GJC2: variants seen among roughly 807,000 people sequenced by gnomAD.
GJC2 encodes gap junction protein gamma 2, also known as gap junction gamma-2 protein.
For synonymous variants in GJC2, 336 were observed against 307.5 expected (o/e 1.09, Z -0.97); for missense variants, 647 against 648.9 (o/e 1.00, Z 0.03).
At position 228,150,703 on chromosome 1, in the gene GJC2, C is replaced by G. The variant is rs2034605612; in HGVS notation, c.-20+696C>G. ...ACACCCCTCTGGGAGGGCGGAGCACCCCAGGGCTGCTGCGCAGGGAGGCCA... is the reference window on the plus strand; with the variant it reads ...ACACCCCTCTGGGAGGGCGGAGCACGCCAGGGCTGCTGCGCAGGGAGGCCA... On this transcript the variant is annotated intron_variant, in intron 1 of 1. Transcript: ENST00000366714. This position sits in a 1 kb window ranked among gnomAD's most constrained non-coding sequence, Gnocchi z 4.6. 6.6e-6 allele frequency among the ~76,000 whole-genome samples: 1 copy of G among 152,056 alleles called. No homozygotes were observed. The highest frequency in any genetic ancestry group is 6.5e-5 in the Admixed American group (1 of 15,276).
chr1:228,159,331 C>G lies in GJC2; in HGVS notation c.*253C>G, dbSNP rs1041721339. 3.7e-6 allele frequency: 2 copies of G among 546,586 alleles called. No homozygotes were observed. The highest frequency in any genetic ancestry group is 4.0e-5 in the African/African-American group (2 of 50,558). The allele number at this position is 546,586 out of a possible 1,614,324, so 33.9% of individuals were successfully genotyped here. On this transcript the variant is annotated 3_prime_UTR_variant, in exon 2 of 2. Coordinates refer to ENST00000366714, the MANE Select transcript of GJC2 (RefSeq NM_020435.4). This position sits in a 1 kb window ranked among gnomAD's most constrained non-coding sequence, Gnocchi z 4.0. ...GGGCCCTCTGCTGTGGTCTGAACCC[C>G]AGGGGGAGTGGGGCATTGACTCCAC...
Position 228,159,165 on chromosome 1 carries a change from C to T in GJC2, c.*87C>T. The T allele has an allele frequency of 1.4e-6, 2 of 1,473,098 alleles. No individual in the cohort carries two copies. The highest frequency in any genetic ancestry group is 1.9e-6 in the Non-Finnish European group (2 of 1,070,468). The allele number at this position is 1,473,098 out of a possible 1,614,324, so 91.3% of individuals were successfully genotyped here. On this transcript the variant is annotated 3_prime_UTR_variant, in exon 2 of 2. Transcript: ENST00000366714. The surrounding 1 kb of genome is among the most constrained non-coding windows in gnomAD (Gnocchi z 4.0). Reference sequence around the variant, plus strand: ...GCGACCCCTTCTCCTCAGCCTTCTCCTTAGCCGGTGGCCTCAGGCAGACTC... The same window carrying T: ...GCGACCCCTTCTCCTCAGCCTTCTCTTTAGCCGGTGGCCTCAGGCAGACTC...
rs976571532 is a variant in GJC2, at chr1:228,152,346, C to T, written c.-20+2339C>T. ...GGAAGGAAATACCTGGGCCCCTGAC[C>T]CTGTGCTACACCCAGCAGGGCGGGG... On this transcript the variant is annotated intron_variant, in intron 1 of 1. Coordinates refer to ENST00000366714, the MANE Select transcript of GJC2 (RefSeq NM_020435.4). The surrounding 1 kb of genome is among the most constrained non-coding windows in gnomAD (Gnocchi z 7.3). Among the ~76,000 whole-genome samples the T allele has an allele frequency of 1.3e-5, 2 of 152,118 alleles. No homozygotes were observed. Among genetic ancestry groups the T allele is most frequent in the African/African-American group, 4.8e-5 (2 of 41,428 alleles).
intron 1 of GJC2, among the ~76,000 whole-genome samples, chr1:228,154,782 T>C (rs750129268): frequency 6.6e-5 from 10 of 152,252 alleles, no homozygotes; most frequent in Non-Finnish European, 1.5e-4. Context: ...CTGGGTGCTC[T>C]ACGTGCAGGT....
chr1:228,159,291 C>T lies in GJC2; in HGVS notation c.*213C>T, dbSNP rs895917462. On this transcript the variant is annotated 3_prime_UTR_variant, in exon 2 of 2. Coordinates refer to ENST00000366714, the MANE Select transcript of GJC2 (RefSeq NM_020435.4). This position sits in a 1 kb window ranked among gnomAD's most constrained non-coding sequence, Gnocchi z 4.0. ...GGGGCCAAGGTGGGGTGGAGAGAGG[C>T]CTAGGAGCCAGAAAGGGCCCTCTGC... 3 of 609,448 alleles carry T rather than the reference C, an allele frequency of 4.9e-6. No homozygotes were observed. Among genetic ancestry groups the T allele is most frequent in the Non-Finnish European group, 8.8e-6 (3 of 340,094 alleles). The allele number at this position is 609,448 out of a possible 1,614,324, so 37.8% of individuals were successfully genotyped here. A position where few individuals can be genotyped will look rare whatever the true frequency, so the allele number is the denominator to read the frequency against.
chr1:228,154,579 G>A (rs764887224), intron 1 of GJC2, among the ~76,000 whole-genome samples: 11 of 152,152 alleles, frequency 7.2e-5, no homozygotes, highest in Non-Finnish European at 1.3e-4. Flanking sequence ...AGGGATGGGG[G>A]TCATGCTCCC....
rs1359509994 is a variant in GJC2 at position 228,158,508 on chromosome 1, C to G, written c.750C>G (p.Cys250Trp). The change falls in exon 2 of 2, where the codon TGC becomes TGG. Residue 250 changes from cysteine (C) to tryptophan (W), a missense_variant. By Grantham distance (215) the Cys-to-Trp change is radical (BLOSUM62 -2). Transcript: ENST00000366714. This position sits in a 1 kb window ranked among gnomAD's most constrained non-coding sequence, Gnocchi z 8.3. ...RPFFPCSRQP[C>W]PHVVDCFVSR... ...TCTTTCCCTGCAGCCGCCAGCCCTG[C>G]CCGCACGTGGTGGACTGCTTCGTGT... 1.2e-6 allele frequency: 2 copies of G among 1,612,834 alleles called. No individual in the cohort carries two copies. The highest frequency in any genetic ancestry group is 8.5e-7 in the Non-Finnish European group (1 of 1,179,660).
chr1:228,157,741 A>AC lies in GJC2; in HGVS notation c.-15dup. ...GCTGACCCCTACCCCGCCCCACAGG[A>AC]CCCGCCCGCCCGCCCCTATGACCAA... On this transcript the variant is annotated splice_region_variant and 5_prime_UTR_variant, in exon 2 of 2. Coordinates refer to ENST00000366714, the MANE Select transcript of GJC2 (RefSeq NM_020435.4). 1 of 354,470 alleles carries AC rather than the reference A, an allele frequency of 2.8e-6. No homozygotes were observed. 22.0% of individuals were successfully genotyped at this position (354,470 alleles called of 1,614,324 possible).
In GJC2 at chr1:228,158,677, T is replaced by C. The variant is rs2034723944; in HGVS notation, c.919T>C (p.Ser307Pro). The change falls in exon 2 of 2, where the codon TCC becomes CCC. Residue 307 changes from serine (S) to proline (P), a missense_variant. Transcript: ENST00000366714. This position sits in a 1 kb window ranked among gnomAD's most constrained non-coding sequence, Gnocchi z 8.3. ...AVRGRRGPPA[S>P]APAPAPRPPP... is the part of the protein sequence containing the mutation. ...GCGCGGCCGCCGCGGCCCCCCGGCC[T>C]CCGCCCCCGCCCCCGCGCCGCGGCC... 8.3e-7 allele frequency: 1 copy of C among 1,200,306 alleles called. No individual in the cohort carries two copies. The highest frequency in any genetic ancestry group is 1.9e-5 in the South Asian group (1 of 53,754). The allele number at this position is 1,200,306 out of a possible 1,614,324, so 74.4% of individuals were successfully genotyped here.
At position 228,152,463 on chromosome 1, in the gene GJC2, G is replaced by A. The variant is rs1439064274; in HGVS notation, c.-20+2456G>A. 6.6e-6 allele frequency among the ~76,000 whole-genome samples: 1 copy of A among 152,100 alleles called. No individual in the cohort carries two copies. Among genetic ancestry groups the A allele is most frequent in the Non-Finnish European group, 1.5e-5 (1 of 67,994 alleles). On this transcript the variant is annotated intron_variant, in intron 1 of 1. Transcript: ENST00000366714. This position sits in a 1 kb window ranked among gnomAD's most constrained non-coding sequence, Gnocchi z 7.3. ...GGCCCGGCTCTGACCGGTGTCCTGA[G>A]ATACCAGGACACCAGGACACTGGTC...
At chr1:228,154,998 A>G (rs2034662638) in intron 1 of GJC2, among the ~76,000 whole-genome samples, 2 of 152,152 alleles carry the variant, frequency 1.3e-5, no homozygotes, top group Non-Finnish European at 2.9e-5. Flanking sequence ...CAGGCGCCAG[A>G]GCAAAGGTGT....
intron 1 of GJC2, among the ~76,000 whole-genome samples, chr1:228,154,189 A>G (rs1323270535): frequency 6.6e-6 from 1 of 152,096 alleles, no homozygotes; most frequent in Non-Finnish European, 1.5e-5. Flanking sequence ...CTGCCCCGCC[A>G]TGGATCCCAC....
In GJC2 at chr1:228,151,323, G is replaced by A. The variant is rs1240589557; in HGVS notation, c.-20+1316G>A. On this transcript the variant is annotated intron_variant, in intron 1 of 1. Transcript: ENST00000366714. This position sits in a 1 kb window ranked among gnomAD's most constrained non-coding sequence, Gnocchi z 5.4. ...CCCCTCACTCCCCTGACATTCCTGA[G>A]CGCCACACCCATGCTCTTGGGCTCC... Among the ~76,000 whole-genome samples the A allele has an allele frequency of 1.3e-5, 2 of 152,286 alleles. No individual in the cohort carries two copies. Among genetic ancestry groups the A allele is most frequent in the East Asian group, 1.9e-4 (1 of 5,166 alleles).
Position 228,150,615 on chromosome 1 carries a change from C to A in GJC2, c.-20+608C>A, listed in dbSNP as rs12740965. On this transcript the variant is annotated intron_variant, in intron 1 of 1. Coordinates refer to ENST00000366714, the MANE Select transcript of GJC2 (RefSeq NM_020435.4). The surrounding 1 kb of genome is among the most constrained non-coding windows in gnomAD (Gnocchi z 4.6). The stretch of plus-strand genomic sequence containing the variant: ...GTGATTAACTGGGTGGAGGCCCCCC[C>A]GGGGTGCTGGGGCAGGCCCTCAGTG... 6.0e-4 allele frequency among the ~76,000 whole-genome samples: 92 copies of A among 152,112 alleles called. No homozygotes were observed. The highest frequency in any genetic ancestry group is 2.0e-3 in the African/African-American group (81 of 41,484).
At chr1:228,154,654 C>T (rs1291862887) in intron 1 of GJC2, among the ~76,000 whole-genome samples, 2 of 152,234 alleles carry the variant, frequency 1.3e-5, no homozygotes, top group African/African-American at 2.4e-5. Flanking sequence ...TGTCTCCTGT[C>T]CCCCATTTGG....
chr1:228,158,853 G>A lies in GJC2; in HGVS notation c.1095G>A (p.Gly365=). The change falls in exon 2 of 2, where the codon GGG becomes GGA. Residue 365 remains glycine (G), a synonymous_variant. Transcript: ENST00000366714. The surrounding 1 kb of genome is among the most constrained non-coding windows in gnomAD (Gnocchi z 8.3). The part of the protein sequence containing the change: ...LQALRDGAAA[G]DRDRDSSPCV... The stretch of plus-strand genomic sequence containing the variant: ...CGCTGCGCGACGGGGCAGCGGCTGG[G>A]GACCGCGACCGGGACAGTTCGCCGT... 1 of 1,476,534 alleles carries A rather than the reference G, an allele frequency of 6.8e-7. No individual in the cohort carries two copies. The highest frequency in any genetic ancestry group is 8.9e-7 in the Non-Finnish European group (1 of 1,119,778). 91.5% of individuals were successfully genotyped at this position (1,476,534 alleles called of 1,614,324 possible). A position where few individuals can be genotyped will look rare whatever the true frequency, so the allele number is the denominator to read the frequency against.
chr1:228,158,987 G>C lies in GJC2; in HGVS notation c.1229G>C (p.Gly410Ala). Residue 410 changes from glycine to alanine, a missense_variant, in exon 2 of 2, where the codon GGC becomes GCC. Gly to Ala is a moderately conservative substitution (Grantham distance 60, BLOSUM62 0). Transcript: ENST00000366714. This position sits in a 1 kb window ranked among gnomAD's most constrained non-coding sequence, Gnocchi z 8.3. ...AGTVGEQGRP[G>A]THERPGAKPR... ...ACTGTCGGGGAGCAGGGCCGGCCCG[G>C]CACCCACGAGCGGCCAGGAGCCAAG... The C allele has an allele frequency of 1.2e-6, 2 of 1,603,228 alleles. No homozygotes were observed. The highest frequency in any genetic ancestry group is 1.1e-5 in the South Asian group (1 of 90,110).
chr1:228,158,272 G>T lies in GJC2; in HGVS notation c.514G>T (p.Ala172Ser). Residue 172 changes from alanine to serine, a missense_variant, in exon 2 of 2, where the codon GCA becomes TCA. Transcript: ENST00000366714. This position sits in a 1 kb window ranked among gnomAD's most constrained non-coding sequence, Gnocchi z 8.3. ...AEGAGEEAEE[A>S]GAEEACTKAV... ...GGGCGCCGGCGAGGAAGCGGAGGAG[G>T]CAGGCGCGGAGGAGGCGTGCACTAA... 6.6e-7 allele frequency: 1 copy of T among 1,524,814 alleles called. No individual in the cohort carries two copies. 94.5% of individuals were successfully genotyped at this position (1,524,814 alleles called of 1,614,324 possible). A position where few individuals can be genotyped will look rare whatever the true frequency, so the allele number is the denominator to read the frequency against.
In GJC2 at chr1:228,158,848, G is replaced by T; in HGVS notation, c.1090G>T (p.Ala364Ser). The part of the protein sequence containing the change: ...ALQALRDGAA[A>S]GDRDRDSSPC... ...GCAGGCGCTGCGCGACGGGGCAGCG[G>T]CTGGGGACCGCGACCGGGACAGTTC... The change falls in exon 2 of 2, where the codon GCT (alanine) becomes TCT (serine). Residue 364 changes from alanine to serine, a missense_variant. By Grantham distance (99) the Ala-to-Ser change is moderately conservative (BLOSUM62 1). Coordinates refer to ENST00000366714, the MANE Select transcript of GJC2 (RefSeq NM_020435.4). This position sits in a 1 kb window ranked among gnomAD's most constrained non-coding sequence, Gnocchi z 8.3. 2.0e-6 allele frequency: 3 copies of T among 1,474,114 alleles called. No homozygotes were observed. Among genetic ancestry groups the T allele is most frequent in the South Asian group, 1.3e-5 (1 of 79,502 alleles). The allele number at this position is 1,474,114 out of a possible 1,614,324, so 91.3% of individuals were successfully genotyped here. A position where few individuals can be genotyped will look rare whatever the true frequency, so the allele number is the denominator to read the frequency against.
Sources: gnomAD v4.1 joint callset for allele counts (sites outside exome capture counted in the v4.1 genomes callset) on GRCh38, gnomAD v4.1.1 for gene constraint, Gnocchi (gnomAD v3.1) non-coding constraint, MANE v1.5 for transcripts, NCBI Gene and HGNC (gene_info 2026-07-23, HGNC 2026-07-21) for gene names.